The following ATG4C variants were observed in gnomAD, a reference collection of about 807,000 sequenced individuals.
ATG4C encodes cysteine protease ATG4C.
In ATG4C, 56 loss-of-function variants were observed where a neutral mutation model predicts 57.6. The ratio of observed to expected loss-of-function variants is 0.97; its 90% confidence interval spans 0.78 to 1.21. The LOEUF is 1.21. ATG4C is among the 50% of genes most tolerant of loss of function. ATG4C has a pLI of 0.00. For synonymous variants in ATG4C, 157 were observed against 174.1 expected (o/e 0.90, Z 0.78); for missense variants, 595 against 529.8 (o/e 1.12, Z -1.21).
At chr1:62,835,346 TGAGC>T (rs1665966609) in intron 9 of ATG4C, 1 of 328,872 alleles carries the variant, frequency 3.0e-6, no homozygotes, top group Non-Finnish European at 6.2e-6. Flanking sequence ...TAATTTTTTT[TGAGC>T]TTTTATTTCT....
intron 9 of ATG4C, among the ~76,000 whole-genome samples, chr1:62,837,700 A>T (rs1466923460): frequency 6.6e-6 from 1 of 152,200 alleles, no homozygotes; most frequent in Non-Finnish European, 1.5e-5. Context: ...TGATGTGGGC[A>T]TCTAGATTGG....
intron 10 of ATG4C, among the ~76,000 whole-genome samples, chr1:62,847,202 A>C (rs1055255134): frequency 8.0e-5 from 12 of 149,102 alleles, no homozygotes; most frequent in African/African-American, 3.0e-4. Context: ...AAAAAGCATA[A>C]GTCTTACTGA....
intron 6 of ATG4C, among the ~76,000 whole-genome samples, chr1:62,825,267 G>T (rs1163984109): frequency 1.4e-5 from 2 of 146,664 alleles, no homozygotes; most frequent in Non-Finnish European, 3.0e-5. Context: ...ATGAGCCGTT[G>T]TGCCCACCCC....
rs1359571419 is a variant in ATG4C at position 62,834,824 on chromosome 1, AT to A, written c.1062del (p.Asp354GlufsTer4). On this transcript the variant is annotated frameshift_variant, in exon 9 of 11. Coordinates refer to ENST00000317868, the MANE Select transcript of ATG4C (RefSeq NM_032852.4). LOFTEE classifies it high-confidence loss of function. ...MDPHYCQSFV[D>X]VSIKDFPLET... Reference sequence around the variant, plus strand: ...CCTCATTACTGCCAATCTTTTGTAGATGTCAGCATAAAGGATTTCCCTCTTG... The same window carrying A: ...CCTCATTACTGCCAATCTTTTGTAGAGTCAGCATAAAGGATTTCCCTCTTG... The A allele has an allele frequency of 4.3e-6, 7 of 1,612,224 alleles. No homozygotes were observed. The highest frequency in any genetic ancestry group is 2.7e-5 in the African/African-American group (2 of 74,864).
intron 3 of ATG4C, among the ~76,000 whole-genome samples, chr1:62,809,253 A>AC (rs1224729358): frequency 1.3e-5 from 2 of 151,956 alleles, no homozygotes; most frequent in Non-Finnish European, 2.9e-5. Flanking sequence ...GAACTTGTAT[A>AC]AACTGTAAAA....
At chr1:62,812,024 C>A (rs1044295983) in intron 3 of ATG4C, among the ~76,000 whole-genome samples, 2 of 152,120 alleles carry the variant, frequency 1.3e-5, no homozygotes, top group Non-Finnish European at 2.9e-5. Flanking sequence ...GGTACATAAA[C>A]ATTTAGAATT....
Position 62,803,721 on chromosome 1 carries a change from A to C in ATG4C, c.-66A>C. On this transcript the variant is annotated splice_region_variant and 5_prime_UTR_variant, in exon 2 of 11. Transcript: ENST00000317868. The stretch of plus-strand genomic sequence containing the variant: ...ATTTTTTTCCTTAATTTTTAAAGTC[A>C]GTATAAAAGATTAAACTCTACAGAA... 9.1e-7 allele frequency: 1 copy of C among 1,101,784 alleles called. No homozygotes were observed. The allele number at this position is 1,101,784 out of a possible 1,614,324, so 68.3% of individuals were successfully genotyped here. A position where few individuals can be genotyped will look rare whatever the true frequency, so the allele number is the denominator to read the frequency against.
At chr1:62,794,315 T>C (rs567350755) in intron 1 of ATG4C, among the ~76,000 whole-genome samples, 4 of 152,324 alleles carry the variant, frequency 2.6e-5, no homozygotes, top group South Asian at 2.1e-4. Flanking sequence ...GTCTGCTTAA[T>C]ACTTAGTTTC....
Position 62,805,250 on chromosome 1 carries a change from A to T in ATG4C, c.155A>T (p.Tyr52Phe), listed in dbSNP as rs898753629. 2.0e-6 allele frequency: 3 copies of T among 1,516,026 alleles called. No individual in the cohort carries two copies. The highest frequency in any genetic ancestry group is 2.6e-6 in the Non-Finnish European group (3 of 1,143,556). 93.9% of individuals were successfully genotyped at this position (1,516,026 alleles called of 1,614,324 possible). A position where few individuals can be genotyped will look rare whatever the true frequency, so the allele number is the denominator to read the frequency against. Residue 52 changes from tyrosine to phenylalanine, a missense_variant, in exon 3 of 11, where the codon TAT becomes TTT. Transcript: ENST00000317868. ...CTTGGAAAATGTTACCATTTTAAATATGAAGGTAAGTACAAAATTTGTAAA... is the reference window on the plus strand; with the variant it reads ...CTTGGAAAATGTTACCATTTTAAATTTGAAGGTAAGTACAAAATTTGTAAA... ...LLLGKCYHFK[Y>F]EDEDKTLPAE...
intron 10 of ATG4C, among the ~76,000 whole-genome samples, chr1:62,848,029 A>T (rs772879191): frequency 6.6e-6 from 1 of 152,168 alleles, no homozygotes; most frequent in African/African-American, 2.4e-5. Context: ...GTAGTTAATT[A>T]TGTTGTTGAA....
In ATG4C at chr1:62,829,109, T is replaced by C. The variant is rs1297702427; in HGVS notation, c.866T>C (p.Val289Ala). The change falls in exon 7 of 11, where the codon GTT (valine) becomes GCT (alanine). Residue 289 changes from valine (V) to alanine (A), a missense_variant. By Grantham distance (64) the Val-to-Ala change is moderately conservative. Transcript: ENST00000317868. ...MTSDNADDKA[V>A]IILVPVRLGG... ...TCTGATAATGCAGATGACAAAGCTGTTATTATTCTAGTTCCTGTTAGACTT... is the reference window on the plus strand; with the variant it reads ...TCTGATAATGCAGATGACAAAGCTGCTATTATTCTAGTTCCTGTTAGACTT... 1 of 1,613,070 alleles carries C rather than the reference T, an allele frequency of 6.2e-7. No individual in the cohort carries two copies. The highest frequency in any genetic ancestry group is 8.5e-7 in the Non-Finnish European group (1 of 1,179,386).
intron 9 of ATG4C, 90 bp from the exon 10 acceptor site, chr1:62,841,338 A>G: frequency 2.6e-6 from 3 of 1,153,210 alleles, no homozygotes; most frequent in East Asian, 5.5e-5. Flanking sequence ...TAGTGATGGG[A>G]AAAAGCTAGA....
intron 10 of ATG4C, among the ~76,000 whole-genome samples, chr1:62,848,729 AT>A (rs1666401988): frequency 6.6e-6 from 1 of 152,288 alleles, no homozygotes; most frequent in South Asian, 2.1e-4. Flanking sequence ...GGAAAGTGGC[AT>A]TGTACATTAT....
intron 10 of ATG4C, among the ~76,000 whole-genome samples, chr1:62,858,700 G>A (rs1025251373): frequency 6.6e-6 from 1 of 152,166 alleles, no homozygotes; most frequent in African/African-American, 2.4e-5. Context: ...ATACTCAGCA[G>A]TGTTGATTGC....
chr1:62,839,063 A>G (rs1044115012), intron 9 of ATG4C, among the ~76,000 whole-genome samples: 1 of 152,094 alleles, frequency 6.6e-6, no homozygotes. Context: ...AAATTAAAAA[A>G]TTTTTATTTT....
intron 9 of ATG4C, among the ~76,000 whole-genome samples, chr1:62,839,634 A>G (rs897084525): frequency 6.6e-6 from 1 of 152,170 alleles, no homozygotes; most frequent in African/African-American, 2.4e-5. Context: ...TTAACTAACC[A>G]GTTTGTTTAG....
At chr1:62,823,903 G>A (rs1376908933) in intron 6 of ATG4C, among the ~76,000 whole-genome samples, 1 of 152,010 alleles carries the variant, frequency 6.6e-6, no homozygotes, top group Non-Finnish European at 1.5e-5. Flanking sequence ...CCCAACTCTC[G>A]TTAGGCAGAA....
At chr1:62,850,872 A>G (rs1365204430) in intron 10 of ATG4C, among the ~76,000 whole-genome samples, 7,127 of 80,290 alleles carry the variant, frequency 0.089, 897 homozygotes, top group African/African-American at 0.28. Flanking sequence ...ATATATATAT[A>G]TATATATATA....
rs966239063 is a variant in ATG4C at position 62,821,162 on chromosome 1, A to G, written c.749A>G (p.His250Arg). ...ILRKAVEEAR[H>R]PDLQGITIYV... Reference sequence around the variant, plus strand: ...AGAAAAGCAGTTGAAGAAGCAAGGCATCCTGATTTACAAGGAATAACTATT... The same window carrying G: ...AGAAAAGCAGTTGAAGAAGCAAGGCGTCCTGATTTACAAGGAATAACTATT... Residue 250 changes from histidine (H) to arginine (R), a missense_variant, in exon 6 of 11, where the codon CAT becomes CGT. By Grantham distance (29) the His-to-Arg change is conservative (BLOSUM62 0). Transcript: ENST00000317868. The G allele has an allele frequency of 6.2e-7, 1 of 1,602,468 alleles. No individual in the cohort carries two copies. The highest frequency in any genetic ancestry group is 8.5e-7 in the Non-Finnish European group (1 of 1,175,768).
Sources: gnomAD v4.1 joint callset for allele counts (sites outside exome capture counted in the v4.1 genomes callset) on GRCh38, gnomAD v4.1.1 for gene constraint, MANE v1.5 for transcripts, NCBI Gene and HGNC (gene_info 2026-07-23, HGNC 2026-07-21) for gene names.